The following PCDHGA5 variants were observed in gnomAD, a reference collection of about 807,000 sequenced individuals.
PCDHGA5 encodes protocadherin gamma subfamily A, 5.
In PCDHGA5, 36 loss-of-function variants were observed where a neutral mutation model predicts 56.7. That is an observed-to-expected ratio of 0.64 (90% confidence interval 0.49 to 0.84). The LOEUF is 0.84. PCDHGA5 is among the 40% of genes least tolerant of loss of function. The pLI is 0.00. For synonymous variants in PCDHGA5, 563 were observed against 520.2 expected (o/e 1.08, Z -1.12); for missense variants, 1,305 against 1,201.5 (o/e 1.09, Z -1.27).
rs1460175237 is a variant in PCDHGA5, at chr5:141,485,185, G to A, written c.2422-9622G>A. ...AGCGGGCGGCAGCAATGCTCCGCAAGGTGAGAAGCTGGACAGAAATCTGGC... is the reference window on the plus strand; with the variant it reads ...AGCGGGCGGCAGCAATGCTCCGCAAAGTGAGAAGCTGGACAGAAATCTGGC... On this transcript the variant is annotated intron_variant, in intron 1 of 3. Transcript: ENST00000518069. This position sits in a 1 kb window ranked among gnomAD's most constrained non-coding sequence, Gnocchi z 5.7. 3.1e-6 allele frequency: 5 copies of A among 1,613,528 alleles called. No individual in the cohort carries two copies. Among genetic ancestry groups the A allele is most frequent in the African/African-American group, 2.7e-5 (2 of 75,052 alleles).
At position 141,491,065 on chromosome 5, in the gene PCDHGA5, C is replaced by T; in HGVS notation, c.2422-3742C>T. On this transcript the variant is annotated intron_variant, in intron 1 of 3. Transcript: ENST00000518069. This position sits in a 1 kb window ranked among gnomAD's most constrained non-coding sequence, Gnocchi z 6.9. ...CCACAATGCGTGGCTCTCCTACTCA[C>T]TGTTGCCACAGTCCACAGCCCCAGG... 4 of 1,614,210 alleles carry T rather than the reference C, an allele frequency of 2.5e-6. No individual in the cohort carries two copies. Among genetic ancestry groups the T allele is most frequent in the Admixed American group, 1.7e-5 (1 of 60,030 alleles).
At position 141,476,851 on chromosome 5, in the gene PCDHGA5, C is replaced by T; in HGVS notation, c.2422-17956C>T. ...CGAATGACAATGCGCCTGTCTTCAA[C>T]CAGTCCTTGTACCGGGCGCGCGTCC... On this transcript the variant is annotated intron_variant, in intron 1 of 3. Transcript: ENST00000518069. This position sits in a 1 kb window ranked among gnomAD's most constrained non-coding sequence, Gnocchi z 7.6. The T allele has an allele frequency of 6.2e-7, 1 of 1,613,836 alleles. No individual in the cohort carries two copies. Among genetic ancestry groups the T allele is most frequent in the Non-Finnish European group, 8.5e-7 (1 of 1,180,046 alleles).
Position 141,392,858 on chromosome 5 carries a change from G to A in PCDHGA5, c.2421+26107G>A, listed in dbSNP as rs764346882. The A allele has an allele frequency of 1.9e-5, 31 of 1,612,486 alleles. No homozygotes were observed. The East Asian group carries it at 6.2e-4, about 32-fold the overall frequency. ...GCCCCAGACGCGGCGAGCTGATCCT[G>A]CTGTGCGCGCTGCTGGGAACGCTGT... On this transcript the variant is annotated intron_variant, in intron 1 of 3. Transcript: ENST00000518069.
intron 1 of PCDHGA5, chr5:141,414,843 G>A: frequency 3.7e-6 from 6 of 1,614,218 alleles, no homozygotes; most frequent in Non-Finnish European, 5.1e-6. Context: ...GCCTGTTTGT[G>A]CTGGACCAGA....
chr5:141,410,054 A>C, intron 1 of PCDHGA5: 1 of 1,613,064 alleles, frequency 6.2e-7, no homozygotes. Context: ...CGGACTCTTC[A>C]GCCTGGGGCT....
chr5:141,376,590 G>T, intron 1 of PCDHGA5: 3 of 1,570,160 alleles, frequency 1.9e-6, no homozygotes, highest in Non-Finnish European at 1.7e-6. Flanking sequence ...CAGCTAGATC[G>T]GCTGTTATAG....
At chr5:141,409,389 C>T (rs1445649056) in intron 1 of PCDHGA5, 2 of 1,613,888 alleles carry the variant, frequency 1.2e-6, no homozygotes, top group Non-Finnish European at 1.7e-6. Flanking sequence ...AAGATTTATT[C>T]TTCTTCCAAT....
intron 1 of PCDHGA5, among the ~76,000 whole-genome samples, chr5:141,439,459 A>ACTG (rs1234039449): frequency 6.6e-6 from 1 of 152,222 alleles, no homozygotes; most frequent in Non-Finnish European, 1.5e-5. Flanking sequence ...GCAAGACTGC[A>ACTG]CTGCTGCCTT....
chr5:141,432,374 C>T lies in PCDHGA5; in HGVS notation c.2422-62433C>T. The T allele has an allele frequency of 6.2e-7, 1 of 1,614,240 alleles. No individual in the cohort carries two copies. The highest frequency in any genetic ancestry group is 1.1e-5 in the South Asian group (1 of 91,082). ...GAAAGTGATGGCGCGGGACAACGGG[C>T]ACCCGCCCCTCAGCAGCAACGTGTC... On this transcript the variant is annotated intron_variant, in intron 1 of 3. Transcript: ENST00000518069. The surrounding 1 kb of genome is among the most constrained non-coding windows in gnomAD (Gnocchi z 6.0).
At chr5:141,382,762 C>T in intron 1 of PCDHGA5, 1 of 690,986 alleles carries the variant, frequency 1.4e-6, no homozygotes, top group Non-Finnish European at 2.4e-6. Context: ...AAGCCCTCTT[C>T]CAGGCTGCAC....
intron 1 of PCDHGA5, chr5:141,383,842 T>C: frequency 6.2e-7 from 1 of 1,613,970 alleles, no homozygotes. Context: ...AACTGCCTTC[T>C]ATGAAATGGA....
intron 1 of PCDHGA5, among the ~76,000 whole-genome samples, chr5:141,401,643 A>G (rs973841801): frequency 6.6e-6 from 1 of 152,262 alleles, no homozygotes; most frequent in African/African-American, 2.4e-5. Context: ...AGCTTTAAAT[A>G]TAAATGACTG....
chr5:141,424,538 A>G (rs547426760), intron 1 of PCDHGA5: 37 of 152,340 alleles, frequency 2.4e-4, no homozygotes, highest in African/African-American at 8.9e-4. Context: ...TATAGAAATA[A>G]CTTGATTTTG....
chr5:141,506,266 T>A (rs1397052417), intron 3 of PCDHGA5, among the ~76,000 whole-genome samples: 1 of 151,862 alleles, frequency 6.6e-6, no homozygotes, highest in Non-Finnish European at 1.5e-5. Context: ...CTGGCCAACA[T>A]AGTGAAACCC....
chr5:141,398,661 C>A, intron 1 of PCDHGA5: 1 of 1,614,018 alleles, frequency 6.2e-7, no homozygotes, highest in Non-Finnish European at 8.5e-7. Context: ...ACCCAAGTTT[C>A]TCATTAATAA....
At chr5:141,443,090 C>T (rs1403922939) in intron 1 of PCDHGA5, among the ~76,000 whole-genome samples, 3 of 151,926 alleles carry the variant, frequency 2.0e-5, no homozygotes, top group Non-Finnish European at 2.9e-5. Context: ...TTCCAGTCTC[C>T]TTCTCAAGCT....
At chr5:141,402,639 A>C (rs886333954) in intron 1 of PCDHGA5, among the ~76,000 whole-genome samples, 2 of 152,250 alleles carry the variant, frequency 1.3e-5, no homozygotes. Flanking sequence ...ATCTAAAATC[A>C]TAATTAGAAG....
At chr5:141,415,275 G>T in intron 1 of PCDHGA5, 5 of 1,614,212 alleles carry the variant, frequency 3.1e-6, no homozygotes, top group Non-Finnish European at 4.2e-6. Flanking sequence ...TGGTGGTAGC[G>T]GTGGCCGCGG....
Position 141,408,446 on chromosome 5 carries a change from G to A in PCDHGA5, c.2421+41695G>A, listed in dbSNP as rs371079756. 1.7e-5 allele frequency: 28 copies of A among 1,613,946 alleles called. No individual in the cohort carries two copies. Among genetic ancestry groups the A allele is most frequent in the Non-Finnish European group, 1.1e-5 (13 of 1,179,916 alleles). On this transcript the variant is annotated intron_variant, in intron 1 of 3. Transcript: ENST00000518069. ...GCACTTCAGCGTAGACGCGGAGAGC[G>A]GGGACTTACTTGTGAAGAACCGAAT...
Sources: gnomAD v4.1 joint callset for allele counts (sites outside exome capture counted in the v4.1 genomes callset) on GRCh38, gnomAD v4.1.1 for gene constraint, Gnocchi (gnomAD v3.1) non-coding constraint, MANE v1.5 for transcripts, NCBI Gene and HGNC (gene_info 2026-07-23, HGNC 2026-07-21) for gene names.